Variants in CALD1 observed in about 807,000 individuals in gnomAD.
CALD1 encodes the protein caldesmon.
In CALD1, 33 loss-of-function variants were observed where a neutral mutation model predicts 99.9. That is an observed-to-expected ratio of 0.33 (90% confidence interval 0.25 to 0.44). CALD1 has a LOEUF of 0.44. CALD1 is among the 20% of genes least tolerant of loss of function. The pLI is 1.00. For synonymous variants in CALD1, 310 were observed against 325.0 expected (o/e 0.95, Z 0.50); for missense variants, 861 against 962.1 (o/e 0.89, Z 1.39).
At chr7:134,769,426 C>CT (rs982412880) in intron 1 of CALD1, among the ~76,000 whole-genome samples, 1 of 151,770 alleles carries the variant, frequency 6.6e-6, no homozygotes, top group Non-Finnish European at 1.5e-5. Context: ...CGTGATTAAA[C>CT]TTTTTTTTTC....
chr7:134,959,276 G>A (rs531610510), intron 11 of CALD1, among the ~76,000 whole-genome samples: 42 of 151,996 alleles, frequency 2.8e-4, no homozygotes, highest in African/African-American at 9.4e-4. Context: ...TGCATTCCAG[G>A]TTCAAGCGAT....
intron 1 of CALD1, among the ~76,000 whole-genome samples, chr7:134,787,864 A>G (rs1213332002): frequency 6.6e-6 from 1 of 152,202 alleles, no homozygotes; most frequent in Admixed American, 6.5e-5. Context: ...AATTGTTACT[A>G]TATTTGTACC....
At chr7:134,856,736 T>C (rs1188559653) in intron 2 of CALD1, among the ~76,000 whole-genome samples, 1 of 152,152 alleles carries the variant, frequency 6.6e-6, no homozygotes, top group Non-Finnish European at 1.5e-5. Flanking sequence ...TCTTTTCCAC[T>C]AGAGAAAAAC....
chr7:134,767,954 CT>C (rs1449793013), intron 1 of CALD1, among the ~76,000 whole-genome samples: 3 of 152,244 alleles, frequency 2.0e-5, no homozygotes, highest in Non-Finnish European at 4.4e-5. Context: ...CTAGCCACAG[CT>C]TTGCATGACT....
At chr7:134,723,888 CCTA>C in the CALD1 span, among the ~76,000 whole-genome samples, 1 of 152,154 alleles carries the variant, frequency 6.6e-6, no homozygotes, top group African/African-American at 2.4e-5. Flanking sequence ...GCTTTAGAAT[CCTA>C]CTGTTTATTG....
intron 3 of CALD1, among the ~76,000 whole-genome samples, chr7:134,889,369 C>T (rs980747467): frequency 9.2e-5 from 14 of 152,164 alleles, no homozygotes; most frequent in Non-Finnish European, 1.6e-4. Flanking sequence ...CAGATAAGCT[C>T]CTCTAACCAC....
chr7:134,764,376 G>GA (rs1417476567), intron 1 of CALD1, among the ~76,000 whole-genome samples: 1 of 152,102 alleles, frequency 6.6e-6, no homozygotes, highest in African/African-American at 2.4e-5. Flanking sequence ...GAGAAAAAGA[G>GA]AAAAAAAGAG....
chr7:134,968,856 CT>C lies in CALD1; in HGVS notation c.*514del. 3.0e-5 allele frequency: 5 copies of C among 169,476 alleles called. No individual in the cohort carries two copies. The highest frequency in any genetic ancestry group is 1.3e-4 in the South Asian group (1 of 7,586). The allele number at this position is 169,476 out of a possible 1,614,324, so 10.5% of individuals were successfully genotyped here. A position where few individuals can be genotyped will look rare whatever the true frequency, so the allele number is the denominator to read the frequency against. On this transcript the variant is annotated 3_prime_UTR_variant, in exon 15 of 15. Transcript: ENST00000361675. ...TTTGAAATACTGCAATAATGGTTGT[CT>C]TTAAAAAAAAAAAAGAAATGTACTG...
Position 134,795,860 on chromosome 7 carries a change from A to G in CALD1, c.-130+16111A>G, listed in dbSNP as rs149272529. The stretch of plus-strand genomic sequence containing the variant: ...CGGTGGAATGGAAATATCTATCCAG[A>G]GAGCTCCCTACGACCCTAAGACTTG... On this transcript the variant is annotated intron_variant, in intron 1 of 14. Transcript: ENST00000361675. Among the ~76,000 whole-genome samples the G allele has an allele frequency of 5.8e-3, 885 of 152,346 alleles. 2 individuals are homozygous for G. The highest frequency in any genetic ancestry group is 0.01 in the Non-Finnish European group (698 of 68,034).
chr7:134,824,286 C>T (rs1039694656), intron 1 of CALD1, among the ~76,000 whole-genome samples: 6 of 152,188 alleles, frequency 3.9e-5, no homozygotes, highest in African/African-American at 1.4e-4. Context: ...CAGGTCTACA[C>T]ATGACCGCTG....
At chr7:134,957,158 G>A (rs1159272244) in intron 9 of CALD1, among the ~76,000 whole-genome samples, 1 of 152,082 alleles carries the variant, frequency 6.6e-6, no homozygotes, top group Non-Finnish European at 1.5e-5. Flanking sequence ...CATTCTACCT[G>A]TATCCCGCCT....
intron 8 of CALD1, 84 bp from the exon 9 acceptor site, chr7:134,950,290 A>G: frequency 1.4e-5 from 19 of 1,392,534 alleles, no homozygotes; most frequent in Non-Finnish European, 1.8e-5. Flanking sequence ...CTGCCTCTCC[A>G]ACTGTGCTCT....
At chr7:134,853,426 T>C (rs781698125) in intron 2 of CALD1, among the ~76,000 whole-genome samples, 9 of 152,248 alleles carry the variant, frequency 5.9e-5, no homozygotes, top group Non-Finnish European at 1.2e-4. Flanking sequence ...TATATATTAA[T>C]GTCATTCCTT....
chr7:134,744,880 T>C (rs1796621953), intron 1 of CALD1, among the ~76,000 whole-genome samples: 1 of 152,214 alleles, frequency 6.6e-6, no homozygotes. Context: ...CACCTTTCTC[T>C]GGACTCTCAT....
chr7:134,764,444 A>T (rs894183177), intron 1 of CALD1, among the ~76,000 whole-genome samples: 2 of 152,194 alleles, frequency 1.3e-5, no homozygotes, highest in African/African-American at 4.8e-5. Context: ...TTGATTTTTT[A>T]AAATTGTGTT....
intron 1 of CALD1, among the ~76,000 whole-genome samples, chr7:134,757,292 C>T (rs563444558): frequency 1.3e-5 from 2 of 152,314 alleles, no homozygotes; most frequent in East Asian, 3.9e-4. Flanking sequence ...ATGACGACCC[C>T]TGGAGTTGTG....
chr7:134,937,059 T>C (rs1206391956), intron 6 of CALD1, among the ~76,000 whole-genome samples: 1 of 152,244 alleles, frequency 6.6e-6, no homozygotes, highest in Non-Finnish European at 1.5e-5. Context: ...TTGTAATGTT[T>C]CTTGGTGAAT....
intron 9 of CALD1, among the ~76,000 whole-genome samples, chr7:134,953,604 C>T (rs2133184998): frequency 6.8e-6 from 1 of 147,720 alleles, no homozygotes; most frequent in East Asian, 2.0e-4. Context: ...CTTGAACAGT[C>T]TTGGTAACAT....
At chr7:134,715,590 T>C in the CALD1 span, among the ~76,000 whole-genome samples, 1 of 152,264 alleles carries the variant, frequency 6.6e-6, no homozygotes, top group Admixed American at 6.5e-5. Flanking sequence ...GTAGTAGTTT[T>C]AATGAATTAA....
Sources: gnomAD v4.1 joint callset for allele counts (sites outside exome capture counted in the v4.1 genomes callset) on GRCh38, gnomAD v4.1.1 for gene constraint, MANE v1.5 for transcripts, NCBI Gene and HGNC (gene_info 2026-07-23, HGNC 2026-07-21) for gene names.